Variants in ATP5MF observed in about 807,000 individuals in gnomAD.
ATP5MF encodes the protein ATP synthase membrane subunit f.
A neutral mutation model predicts 13.8 loss-of-function variants in ATP5MF; 10 were observed. That is an observed-to-expected ratio of 0.72 (90% CI 0.45 to 1.23). The LOEUF (loss-of-function observed/expected upper bound fraction) is 1.23, where lower values mean the gene tolerates loss of function less well. ATP5MF is among the 50% of genes most tolerant of loss of function. ATP5MF has a pLI of 0.00. For synonymous variants in ATP5MF, 40 were observed against 45.8 expected (o/e 0.87, Z 0.51); for missense variants, 122 against 118.2 (o/e 1.03, Z -0.15).
At chr7:99,460,725 G>A (rs1798562185) in intron 1 of ATP5MF, among the ~76,000 whole-genome samples, 3 of 152,124 alleles carry the variant, frequency 2.0e-5, no homozygotes, top group South Asian at 4.1e-4. Context: ...GCTGGAGAAC[G>A]TACAAGAGGG....
At chr7:99,458,477 G>T in intron 3 of ATP5MF, 122 bp from the exon 4 acceptor site, 1 of 984,644 alleles carries the variant, frequency 1.0e-6, no homozygotes, top group South Asian at 1.8e-5. Flanking sequence ...GATGACCCAT[G>T]ACCCGCCTGC....
intron 1 of ATP5MF, among the ~76,000 whole-genome samples, chr7:99,461,150 T>C (rs2151027943): frequency 6.6e-6 from 1 of 152,256 alleles, no homozygotes; most frequent in Non-Finnish European, 1.5e-5. Flanking sequence ...GTCAAGGAGA[T>C]GCATTTAAGA....
At chr7:99,461,556 G>A (rs1295062254) in intron 1 of ATP5MF, among the ~76,000 whole-genome samples, 1 of 152,092 alleles carries the variant, frequency 6.6e-6, no homozygotes, top group African/African-American at 2.4e-5. Context: ...AGAGTCTGCT[G>A]AGGGAGGCCA....
At chr7:99,465,889 C>T (rs570314921) in intron 1 of ATP5MF, among the ~76,000 whole-genome samples, 35 of 152,236 alleles carry the variant, frequency 2.3e-4, no homozygotes, top group Non-Finnish European at 4.4e-4. Context: ...AGCGCGTGCC[C>T]CAGATGCCTT....
At chr7:99,460,641 G>A (rs143954182) in intron 1 of ATP5MF, 17 of 433,136 alleles carry the variant, frequency 3.9e-5, no homozygotes, top group Middle Eastern at 3.5e-4. Flanking sequence ...CACACACAAC[G>A]TGGGGTCAGG....
rs200201764 is a variant in ATP5MF at position 99,465,273 on chromosome 7, T to TA, written c.31+837dup. Among the ~76,000 whole-genome samples, 971 of 150,734 alleles carry TA rather than the reference T, an allele frequency of 6.4e-3. 12 individuals are homozygous for TA. The highest frequency in any genetic ancestry group is 0.022 in the African/African-American group (916 of 41,046). On this transcript the variant is annotated intron_variant, in intron 1 of 3. Coordinates refer to ENST00000292475, the MANE Select transcript of ATP5MF (RefSeq NM_004889.5). Reference sequence around the variant, plus strand: ...AAACGCCATCTCAAAAAAAAAATGATAAAAAAAAACCAGAAACTGAGCTAA... The same window carrying TA: ...AAACGCCATCTCAAAAAAAAAATGATAAAAAAAAAACCAGAAACTGAGCTAA...
intron 1 of ATP5MF, among the ~76,000 whole-genome samples, chr7:99,464,300 T>G (rs1264970927): frequency 6.6e-6 from 1 of 152,250 alleles, no homozygotes; most frequent in Non-Finnish European, 1.5e-5. Context: ...CCCATTTTAC[T>G]GAGGGGAAAA....
rs113813644 is a variant in ATP5MF, at chr7:99,466,113, G to A, written c.29C>T (p.Pro10Leu). The part of the protein sequence containing the change: MASVGECPA[P>L]VPVKDKKLLE... ...CCACGGAGTCCAAACAGCCTTACCT[G>A]GGGCCGGACACTCACCAACTGACGC... The change falls in exon 1 of 4, where the codon CCA becomes CTA. Residue 10 changes from proline to leucine, a missense_variant and splice_region_variant. Coordinates refer to ENST00000292475, the MANE Select transcript of ATP5MF (RefSeq NM_004889.5). The A allele has an allele frequency of 7.4e-6, 12 of 1,614,056 alleles. No individual in the cohort carries two copies. The highest frequency in any genetic ancestry group is 1.0e-5 in the Non-Finnish European group (12 of 1,180,014).
rs756273577 is a variant in ATP5MF at position 99,459,282 on chromosome 7, C to T, written c.140-19G>A. Reference sequence around the variant, plus strand: ...TAGTAACCTGCAAACGCAAGAGGCGCTCACTGCCCTGCTGGGCTTCACATT... The same window carrying T: ...TAGTAACCTGCAAACGCAAGAGGCGTTCACTGCCCTGCTGGGCTTCACATT... On this transcript the variant is annotated intron_variant, in intron 2 of 3. Coordinates refer to ENST00000292475, the MANE Select transcript of ATP5MF (RefSeq NM_004889.5). The T allele has an allele frequency of 6.4e-7, 1 of 1,567,886 alleles. No homozygotes were observed. Among genetic ancestry groups the T allele is most frequent in the Non-Finnish European group, 8.8e-7 (1 of 1,137,814 alleles).
chr7:99,461,583 A>C (rs1798603515), intron 1 of ATP5MF, among the ~76,000 whole-genome samples: 1 of 151,966 alleles, frequency 6.6e-6, no homozygotes, highest in Non-Finnish European at 1.5e-5. Context: ...AGTAGTTCAC[A>C]CTATAATCCC....
chr7:99,463,219 A>G (rs1798695207), intron 1 of ATP5MF, among the ~76,000 whole-genome samples: 1 of 152,256 alleles, frequency 6.6e-6, no homozygotes, highest in Non-Finnish European at 1.5e-5. Context: ...GTTCATTACT[A>G]TGAAGCCACA....
chr7:99,461,246 G>A (rs1798588810), intron 1 of ATP5MF, among the ~76,000 whole-genome samples: 1 of 152,170 alleles, frequency 6.6e-6, no homozygotes, highest in African/African-American at 2.4e-5. Flanking sequence ...CCAGGCTGGA[G>A]TGCACTGGTT....
At chr7:99,464,776 C>T (rs1203554570) in intron 1 of ATP5MF, among the ~76,000 whole-genome samples, 2 of 151,846 alleles carry the variant, frequency 1.3e-5, no homozygotes, top group Non-Finnish European at 2.9e-5. Context: ...GCCTGGTCAA[C>T]GTGGCGAAAC....
At chr7:99,459,081 C>G (rs1798474191) in intron 3 of ATP5MF, 66 bp downstream of exon 3, 1 of 1,245,962 alleles carries the variant, frequency 8.0e-7, no homozygotes, top group South Asian at 1.2e-5. Flanking sequence ...GCTGCTGTAT[C>G]TAATGAAATC....
At chr7:99,458,725 C>T (rs1193533309) in intron 3 of ATP5MF, among the ~76,000 whole-genome samples, 2 of 152,088 alleles carry the variant, frequency 1.3e-5, no homozygotes, top group African/African-American at 2.4e-5. Context: ...AGGCTGCCAC[C>T]GACACCTCCC....
intron 2 of ATP5MF, chr7:99,459,655 C>T (rs1798510695): frequency 4.1e-6 from 1 of 246,086 alleles, no homozygotes; most frequent in South Asian, 5.5e-5. Context: ...CTCAAGCAAT[C>T]CTCCAGCCTT....
intron 1 of ATP5MF, among the ~76,000 whole-genome samples, chr7:99,464,824 C>T (rs960818789): frequency 7.9e-5 from 12 of 151,590 alleles, no homozygotes; most frequent in Admixed American, 6.6e-4. Context: ...ATTAGCCGGG[C>T]GTAGGTACTG....
intron 1 of ATP5MF, among the ~76,000 whole-genome samples, chr7:99,463,466 TAAATA>T (rs2151031251): frequency 6.6e-6 from 1 of 152,158 alleles, no homozygotes; most frequent in Admixed American, 6.5e-5. Flanking sequence ...ATCTCTATAA[TAAATA>T]AAATAAAAAC....
chr7:99,460,164 C>A lies in ATP5MF; in HGVS notation c.61G>T (p.Val21Phe). Reference protein sequence around the residue: ...VPVKDKKLLEVKLGELPSWIL... With the variant: ...VPVKDKKLLEFKLGELPSWIL... Reference sequence around the variant, plus strand: ...CAGCTTGGCAGCTCCCCCAGTTTGACCTCCAGAAGTTTCTTGTCCTTCACT... The same window carrying A: ...CAGCTTGGCAGCTCCCCCAGTTTGAACTCCAGAAGTTTCTTGTCCTTCACT... Residue 21 changes from valine to phenylalanine, a missense_variant, in exon 2 of 4, where the codon GTC (valine) becomes TTC (phenylalanine). By Grantham distance (50) the Val-to-Phe change is conservative. Coordinates refer to ENST00000292475, the MANE Select transcript of ATP5MF (RefSeq NM_004889.5). The A allele has an allele frequency of 3.1e-6, 5 of 1,614,198 alleles. No homozygotes were observed. Among genetic ancestry groups the A allele is most frequent in the Non-Finnish European group, 1.7e-6 (2 of 1,180,032 alleles).
Sources: allele counts gnomAD v4.1 joint callset (sites outside exome capture counted in the v4.1 genomes callset), GRCh38; gene constraint gnomAD v4.1.1; transcripts MANE v1.5; gene names NCBI Gene and HGNC (gene_info 2026-07-23, HGNC 2026-07-21).